STXBP5L: variants seen among roughly 807,000 people sequenced by gnomAD.
STXBP5L encodes syntaxin binding protein 5L.
STXBP5L carries 65 observed loss-of-function variants against 144.5 expected under a neutral mutation model. That is an observed-to-expected ratio of 0.45 (90% CI 0.37 to 0.55). The LOEUF (loss-of-function observed/expected upper bound fraction) is 0.55. Among genes scored for constraint, STXBP5L ranks in the 20% least tolerant of loss-of-function variants. The pLI is 0.00. For synonymous variants in STXBP5L, 505 were observed against 469.6 expected (o/e 1.08, Z -0.97); for missense variants, 1,298 against 1,405.5 (o/e 0.92, Z 1.22).
chr3:121,146,217 G>T (rs933952832), intron 7 of STXBP5L, among the ~76,000 whole-genome samples: 1 of 151,932 alleles, frequency 6.6e-6, no homozygotes, highest in African/African-American at 2.4e-5. Context: ...TAGCTATACA[G>T]ATATATATCC....
chr3:121,326,305 G>T (rs1242177054), intron 20 of STXBP5L, among the ~76,000 whole-genome samples: 1 of 151,870 alleles, frequency 6.6e-6, no homozygotes, highest in Admixed American at 6.6e-5. Context: ...GAGATATGTA[G>T]GCTTTTTATG....
intron 3 of STXBP5L, among the ~76,000 whole-genome samples, chr3:120,998,148 A>G (rs1038326445): frequency 7.9e-5 from 12 of 152,174 alleles, no homozygotes; most frequent in African/African-American, 2.7e-4. Context: ...CAATAGCTGT[A>G]ATTATTCCCC....
intron 9 of STXBP5L, among the ~76,000 whole-genome samples, chr3:121,187,188 TG>T (rs1431989087): frequency 6.6e-6 from 1 of 152,170 alleles, no homozygotes; most frequent in Non-Finnish European, 1.5e-5. Context: ...GAAGAAAATG[TG>T]GCACATGTAC....
Position 120,948,167 on chromosome 3 carries a change from G to T in STXBP5L, c.190-6773G>T, listed in dbSNP as rs550520679. Among the ~76,000 whole-genome samples the T allele has an allele frequency of 6.0e-4, 91 of 151,636 alleles. 3 individuals are homozygous for T. The South Asian group carries it at 8.7e-3, about 15-fold the overall frequency. On this transcript the variant is annotated intron_variant, in intron 2 of 26. Coordinates refer to ENST00000471454, the MANE Select transcript of STXBP5L (RefSeq NM_001308330.2). ...CCTAGTGGGTGCACAGTTGTATCTT[G>T]TTGATATGATTTACAGTTCCCTAAT...
At chr3:121,030,313 A>G (rs531437824) in intron 3 of STXBP5L, among the ~76,000 whole-genome samples, 1 of 152,162 alleles carries the variant, frequency 6.6e-6, no homozygotes, top group Admixed American at 6.6e-5. Context: ...GATAAAGAAG[A>G]TGTGGTGCAT....
At chr3:121,395,879 C>T (rs998729801) in intron 22 of STXBP5L, among the ~76,000 whole-genome samples, 2 of 152,228 alleles carry the variant, frequency 1.3e-5, no homozygotes, top group African/African-American at 4.8e-5. Flanking sequence ...GGGTCCTCCT[C>T]AGCGTCAGTC....
intron 7 of STXBP5L, among the ~76,000 whole-genome samples, chr3:121,133,779 T>G (rs1416845715): frequency 6.6e-6 from 1 of 152,142 alleles, no homozygotes; most frequent in Non-Finnish European, 1.5e-5. Context: ...TGGGGAGGCC[T>G]TAAGAAACTT....
chr3:121,163,104 A>G (rs1326711843), intron 9 of STXBP5L, among the ~76,000 whole-genome samples: 2 of 152,218 alleles, frequency 1.3e-5, no homozygotes, highest in African/African-American at 4.8e-5. Flanking sequence ...TCATTCTACT[A>G]TAAAGACACA....
intron 9 of STXBP5L, among the ~76,000 whole-genome samples, chr3:121,183,079 G>T (rs537846558): frequency 5.5e-4 from 84 of 152,206 alleles, no homozygotes; most frequent in Middle Eastern, 3.4e-3. Context: ...AAAAGTACTT[G>T]ACAAAATCCA....
intron 3 of STXBP5L, among the ~76,000 whole-genome samples, chr3:121,033,552 C>A: frequency 7.9e-6 from 1 of 126,296 alleles, no homozygotes; most frequent in African/African-American, 3.0e-5. Context: ...GAACATGTAC[C>A]CTAAAACTTA....
At chr3:121,044,494 C>G (rs566888522) in intron 4 of STXBP5L, among the ~76,000 whole-genome samples, 2 of 152,126 alleles carry the variant, frequency 1.3e-5, no homozygotes. Context: ...TTACTTCTAA[C>G]AAAGTACTTT....
intron 5 of STXBP5L, among the ~76,000 whole-genome samples, chr3:121,075,118 C>T (rs940543968): frequency 2.0e-5 from 3 of 152,144 alleles, no homozygotes; most frequent in African/African-American, 7.2e-5. Flanking sequence ...ATTCCTGCCA[C>T]TCTGATTAAA....
intron 19 of STXBP5L, among the ~76,000 whole-genome samples, chr3:121,316,070 C>A (rs1383802237): frequency 6.6e-6 from 1 of 151,684 alleles, no homozygotes; most frequent in East Asian, 1.9e-4. Flanking sequence ...CTCTCCATCA[C>A]TTTTCTGTAT....
At chr3:121,347,681 TA>T (rs1421642934) in intron 20 of STXBP5L, among the ~76,000 whole-genome samples, 2 of 152,212 alleles carry the variant, frequency 1.3e-5, no homozygotes, top group East Asian at 3.9e-4. Context: ...ACATCCCTTG[TA>T]AGTTGGATTC....
intron 20 of STXBP5L, among the ~76,000 whole-genome samples, chr3:121,330,289 G>C (rs1428076149): frequency 2.0e-5 from 3 of 152,216 alleles, no homozygotes; most frequent in African/African-American, 7.2e-5. Context: ...GCTTACTGCT[G>C]CCTGCTACTC....
chr3:121,312,441 TC>T (rs2043568263), intron 19 of STXBP5L, among the ~76,000 whole-genome samples: 1 of 108,528 alleles, frequency 9.2e-6, no homozygotes, highest in Non-Finnish European at 1.8e-5. Flanking sequence ...TTAAGGTATG[TC>T]AATCTTTTTT....
intron 5 of STXBP5L, among the ~76,000 whole-genome samples, chr3:121,089,092 T>TAAAAAAAAAAAA (rs375977537): frequency 8.9e-5 from 5 of 56,150 alleles, no homozygotes; most frequent in African/African-American, 1.4e-4. Context: ...TAGAGTATAA[T>TAAAAAAAAAAAA]AAAAAAAAAA....
chr3:120,971,260 A>C (rs1940213033), intron 3 of STXBP5L, among the ~76,000 whole-genome samples: 1 of 152,030 alleles, frequency 6.6e-6, no homozygotes, highest in Non-Finnish European at 1.5e-5. Flanking sequence ...AAATTTTTCA[A>C]GTGCAATTTT....
chr3:121,244,495 A>G (rs961643991), intron 14 of STXBP5L, among the ~76,000 whole-genome samples: 7 of 151,808 alleles, frequency 4.6e-5, no homozygotes, highest in Non-Finnish European at 8.8e-5. Context: ...AGTAGAGAGA[A>G]TGGAGCAGAG....
Sources: allele counts gnomAD v4.1 joint callset (sites outside exome capture counted in the v4.1 genomes callset), GRCh38; gene constraint gnomAD v4.1.1; transcripts MANE v1.5; gene names NCBI Gene and HGNC (gene_info 2026-07-23, HGNC 2026-07-21).